Variants in IGSF11 observed in about 807,000 individuals in gnomAD.
IGSF11 encodes the protein immunoglobulin superfamily member 11, also known as CXADR like 1.
In IGSF11, 22 loss-of-function variants were observed where a neutral mutation model predicts 41.0. The ratio of observed to expected loss-of-function variants is 0.54; its 90% CI spans 0.38 to 0.77. The LOEUF is 0.77. IGSF11 is among the 30% of genes least tolerant of loss of function. The probability of loss-of-function intolerance (pLI) is 0.00; values close to 1 mark genes in which losing one functional copy is unlikely to be tolerated. For synonymous variants in IGSF11, 219 were observed against 201.3 expected, an observed-to-expected ratio of 1.09 and a Z score of -0.74; for missense variants, 444 against 530.8, an observed-to-expected ratio of 0.84 and a Z score of 1.61.
rs746725383 is a variant in IGSF11 at position 118,928,588 on chromosome 3, A to G, written c.345T>C (p.Thr115=). The G allele has an allele frequency of 1.2e-6, 2 of 1,613,988 alleles. No homozygotes were observed. Among genetic ancestry groups the G allele is most frequent in the South Asian group, 1.1e-5 (1 of 91,070 alleles). The part of the protein sequence containing the change: ...IFINNTQLSD[T]GTYQCLVNNL... ...TGTTGACCAGGCACTGGTAGGTGCCAGTGTCTGATAACTGAGTGTTATTAA... is the reference window on the plus strand; with the variant it reads ...TGTTGACCAGGCACTGGTAGGTGCCGGTGTCTGATAACTGAGTGTTATTAA... Residue 115 remains threonine (T), a synonymous_variant, in exon 3 of 7, where the codon ACT becomes ACC. Coordinates refer to ENST00000393775, the MANE Select transcript of IGSF11 (RefSeq NM_001015887.3).
upstream of IGSF11, among the ~76,000 whole-genome samples, chr3:119,109,340 T>G (rs368994177): frequency 0.18 from 26,834 of 151,164 alleles, 2,561 homozygotes; most frequent in Non-Finnish European, 0.23. Flanking sequence ...GTCGAGGAAT[T>G]TATCCATTTC....
intron 1 of IGSF11, among the ~76,000 whole-genome samples, chr3:119,128,388 AAGAG>A (rs1472119292): frequency 1.1e-4 from 17 of 151,662 alleles, no homozygotes; most frequent in African/African-American, 4.1e-4. Context: ...GAAACAGAGA[AAGAG>A]AGAGAGAGAA....
At chr3:119,004,695 T>C (rs1300258393) in intron 1 of IGSF11, among the ~76,000 whole-genome samples, 3 of 148,646 alleles carry the variant, frequency 2.0e-5, no homozygotes, top group East Asian at 2.0e-4. Context: ...AGAACATCTT[T>C]ATTTCTGCCT....
At chr3:119,110,766 G>C (rs890801977) in intron 1 of IGSF11, among the ~76,000 whole-genome samples, 1 of 151,940 alleles carries the variant, frequency 6.6e-6, no homozygotes, top group African/African-American at 2.4e-5. Flanking sequence ...TCCTTCAGGA[G>C]CTCTTTTAGG....
intron 1 of IGSF11, among the ~76,000 whole-genome samples, chr3:119,010,028 A>C (rs1389135247): frequency 2.0e-5 from 3 of 152,244 alleles, no homozygotes; most frequent in Admixed American, 2.0e-4. Context: ...TAGAAGCATA[A>C]TAAACAAAAA....
At chr3:119,067,715 T>C (rs115141626) in intron 1 of IGSF11, among the ~76,000 whole-genome samples, 2,430 of 152,262 alleles carry the variant, frequency 0.016, 77 homozygotes, top group African/African-American at 0.055. Context: ...CTAAAAACTT[T>C]ATTTCATGTA....
intron 1 of IGSF11, among the ~76,000 whole-genome samples, chr3:119,100,798 C>T (rs1301624653): frequency 6.6e-6 from 1 of 152,138 alleles, no homozygotes; most frequent in Non-Finnish European, 1.5e-5. Context: ...TAAGTTACAT[C>T]CAGGGGGCAT....
At chr3:118,927,578 A>C (rs1252964872) in intron 3 of IGSF11, among the ~76,000 whole-genome samples, 1 of 152,198 alleles carries the variant, frequency 6.6e-6, no homozygotes, top group African/African-American at 2.4e-5. Flanking sequence ...GGAAAATGAC[A>C]AGAATTCCCA....
chr3:119,106,697 G>A (rs9681746), upstream of IGSF11, among the ~76,000 whole-genome samples: 70,200 of 151,724 alleles, frequency 0.46, 16,343 homozygotes, highest in East Asian at 0.51. Context: ...TTAACTCGTC[G>A]TTTAGCATCA....
rs866473904 is a variant in IGSF11 at position 118,975,306 on chromosome 3, C to T, written c.53-45031G>A. On this transcript the variant is annotated intron_variant, in intron 1 of 6. Transcript: ENST00000393775. ...TAATATCTTTCCTTAAAAAAATTTA[C>T]TCATTTCATATAGATTTTACCATAT... Among the ~76,000 whole-genome samples, 4 of 149,916 alleles carry T rather than the reference C, an allele frequency of 2.7e-5. No individual in the cohort carries two copies. In the South Asian group the frequency reaches 6.3e-4, roughly 24 times the overall value.
intron 1 of IGSF11, among the ~76,000 whole-genome samples, chr3:119,121,933 C>A (rs150978506): frequency 6.6e-6 from 1 of 152,166 alleles, no homozygotes; most frequent in Non-Finnish European, 1.5e-5. Context: ...AAGAAAATGA[C>A]AGTCAACTAA....
At chr3:118,983,376 A>C (rs1407835936) in intron 1 of IGSF11, 1 of 152,186 alleles carries the variant, frequency 6.6e-6, no homozygotes, top group Admixed American at 6.5e-5. Flanking sequence ...TGTGCTCCAG[A>C]ATACATTATG....
At chr3:118,933,572 T>C (rs570482296) in intron 1 of IGSF11, among the ~76,000 whole-genome samples, 3 of 151,734 alleles carry the variant, frequency 2.0e-5, no homozygotes, top group East Asian at 1.9e-4. Flanking sequence ...TACAGAAGAA[T>C]AGAAAAACAG....
At chr3:118,939,883 GA>G (rs1354910561) in intron 1 of IGSF11, among the ~76,000 whole-genome samples, 1 of 152,020 alleles carries the variant, frequency 6.6e-6, no homozygotes, top group Non-Finnish European at 1.5e-5. Flanking sequence ...AATAAAGACA[GA>G]AAAACAACAG....
chr3:118,929,778 T>C (rs1249466782), intron 2 of IGSF11, among the ~76,000 whole-genome samples: 1 of 152,212 alleles, frequency 6.6e-6, no homozygotes, highest in Non-Finnish European at 1.5e-5. Context: ...TCCTTACTAT[T>C]ATCACTATCT....
chr3:119,106,652 A>T (rs2077032030), upstream of IGSF11, among the ~76,000 whole-genome samples: 1 of 152,102 alleles, frequency 6.6e-6, no homozygotes, highest in Admixed American at 6.5e-5. Flanking sequence ...TTAGTTACAT[A>T]TGTATACATG....
At chr3:119,072,467 G>A (rs556363817) in intron 1 of IGSF11, among the ~76,000 whole-genome samples, 29 of 152,238 alleles carry the variant, frequency 1.9e-4, no homozygotes, top group African/African-American at 6.0e-4. Flanking sequence ...ATGAAGCCGC[G>A]GACCCTCGCG....
At chr3:119,023,262 CAAAAAAAAAAAAAAAAAA>C (rs3049118) in intron 1 of IGSF11, among the ~76,000 whole-genome samples, 1 of 60,246 alleles carries the variant, frequency 1.7e-5, no homozygotes, top group Non-Finnish European at 2.9e-5. Context: ...GACTCCGTCT[CAAAAAAAAAAAAAAAAAA>C]AAAAAAAAAA....
At chr3:119,130,495 T>G (rs1373078736) in intron 1 of IGSF11, among the ~76,000 whole-genome samples, 1 of 152,168 alleles carries the variant, frequency 6.6e-6, no homozygotes, top group East Asian at 1.9e-4. Context: ...GGCTGCAGCC[T>G]GGCGGGGGGA....
Sources: gnomAD v4.1 joint callset for allele counts (sites outside exome capture counted in the v4.1 genomes callset) on GRCh38, gnomAD v4.1.1 for gene constraint, MANE v1.5 for transcripts, NCBI Gene and HGNC (gene_info 2026-07-23, HGNC 2026-07-21) for gene names.